Variants in MYO3A observed in about 807,000 individuals in gnomAD.
The protein encoded by MYO3A is myosin IIIA.
Under a neutral mutation model 192.7 loss-of-function variants are expected in MYO3A, and 180 were observed. The observed-to-expected ratio is 0.93, with a 90% confidence interval of 0.83 to 1.06. The LOEUF is 1.06. Ranked by LOEUF, MYO3A falls within the 50% of genes least tolerant of loss-of-function variation. The probability of loss-of-function intolerance (pLI) is 0.00; values close to 1 mark genes in which losing one functional copy is unlikely to be tolerated. For missense variants in MYO3A, 1,896 were observed against 1,905.0 expected (o/e 1.00, Z 0.09); for synonymous variants, 628 against 645.3 (o/e 0.97, Z 0.41).
At chr10:26,056,670 T>G (rs1274185899) in intron 10 of MYO3A, among the ~76,000 whole-genome samples, 1 of 119,548 alleles carries the variant, frequency 8.4e-6, no homozygotes, top group Non-Finnish European at 2.0e-5. Context: ...ACAGATGTCC[T>G]AAATGTGTTC....
At chr10:26,068,664 C>T in intron 11 of MYO3A, 104 bp from the exon 12 acceptor site, 1 of 733,996 alleles carries the variant, frequency 1.4e-6, no homozygotes, top group Non-Finnish European at 2.3e-6. Flanking sequence ...TTTTCTAATC[C>T]TTCGTCCAGA....
chr10:26,080,014 T>C (rs1408815941), intron 14 of MYO3A, among the ~76,000 whole-genome samples: 1 of 152,162 alleles, frequency 6.6e-6, no homozygotes, highest in Non-Finnish European at 1.5e-5. Context: ...ATGAAGACCT[T>C]ATTGTGATGA....
Position 26,192,893 on chromosome 10 carries a change from G to A in MYO3A, c.4439-312G>A, listed in dbSNP as rs898027585. ...TGGTCTCGAACTCCTGACCTCAAGTGATCTGCCTGCCTCAGCCTCCCAAAG... is the reference window on the plus strand; with the variant it reads ...TGGTCTCGAACTCCTGACCTCAAGTAATCTGCCTGCCTCAGCCTCCCAAAG... On this transcript the variant is annotated intron_variant, in intron 31 of 34. Coordinates refer to ENST00000642920, the MANE Select transcript of MYO3A (RefSeq NM_017433.5). Among the ~76,000 whole-genome samples the A allele has an allele frequency of 5.5e-4, 84 of 152,080 alleles. 1 individual carries two copies. The highest frequency in any genetic ancestry group is 1.8e-3 in the African/African-American group (73 of 41,490).
intron 10 of MYO3A, among the ~76,000 whole-genome samples, chr10:26,049,669 C>CTTTTTTTTTTTTTTTTT (rs1843859825): frequency 2.7e-5 from 2 of 75,390 alleles, no homozygotes; most frequent in East Asian, 2.9e-4. Flanking sequence ...TTCTTTCTTT[C>CTTTTTTTTTTTTTTTTT]TTTCTTTTTT....
chr10:25,983,691 T>C (rs1478600914), intron 4 of MYO3A, among the ~76,000 whole-genome samples: 1 of 152,176 alleles, frequency 6.6e-6, no homozygotes, highest in Non-Finnish European at 1.5e-5. Context: ...TTTGAGGGAA[T>C]AATTGAGGAA....
At chr10:26,186,176 G>A (rs1426306444) in intron 31 of MYO3A, among the ~76,000 whole-genome samples, 1 of 151,712 alleles carries the variant, frequency 6.6e-6, no homozygotes, top group Admixed American at 6.6e-5. Flanking sequence ...TAATAGATTG[G>A]TTTCCTAAAA....
chr10:25,980,267 T>C (rs1839242190), intron 4 of MYO3A, among the ~76,000 whole-genome samples: 1 of 148,948 alleles, frequency 6.7e-6, no homozygotes, highest in Admixed American at 6.7e-5. Context: ...AAACCCCACA[T>C]AATGCTTATA....
intron 10 of MYO3A, among the ~76,000 whole-genome samples, chr10:26,062,530 A>AAAAAACAAAAAAAACG (rs1554816581): frequency 1.6e-5 from 2 of 125,946 alleles, no homozygotes; most frequent in African/African-American, 5.7e-5. Context: ...AAAAAAAAAA[A>AAAAAACAAAAAAAACG]AAATTATGGA....
chr10:26,083,408 A>G (rs73610389), intron 14 of MYO3A, among the ~76,000 whole-genome samples: 230 of 152,344 alleles, frequency 1.5e-3, no homozygotes, highest in African/African-American at 5.2e-3. Flanking sequence ...GTTTTAGACC[A>G]TGGTTGACTG....
At chr10:25,965,457 G>C (rs1234514424) in intron 4 of MYO3A, among the ~76,000 whole-genome samples, 1 of 152,024 alleles carries the variant, frequency 6.6e-6, no homozygotes, top group African/African-American at 2.4e-5. Flanking sequence ...CTCCTCAGGG[G>C]GAAGGGAGGG....
chr10:26,068,418 A>G (rs953199999), intron 11 of MYO3A, among the ~76,000 whole-genome samples: 2 of 152,250 alleles, frequency 1.3e-5, no homozygotes, highest in African/African-American at 4.8e-5. Context: ...TATTCACTTT[A>G]TCTTCCCTTC....
At chr10:26,051,670 T>C (rs923648215) in intron 10 of MYO3A, among the ~76,000 whole-genome samples, 1 of 151,400 alleles carries the variant, frequency 6.6e-6, no homozygotes, top group African/African-American at 2.4e-5. Context: ...GATAGCGGCT[T>C]GCCATCCCCC....
Position 26,022,018 on chromosome 10 carries a change from T to C in MYO3A, c.731+370T>C, listed in dbSNP as rs559584923. On this transcript the variant is annotated intron_variant, in intron 8 of 34. Transcript: ENST00000642920. ...ACCTACCAATCTAGTAATTTTTTAC[T>C]ACTTGCTAAGATTTCCCTTTGTTCA... 6.4e-5 allele frequency: 11 copies of C among 170,724 alleles called. No homozygotes were observed. In the South Asian group the frequency reaches 1.6e-3, roughly 24 times the overall value. 10.6% of individuals were successfully genotyped at this position (170,724 alleles called of 1,614,324 possible).
intron 10 of MYO3A, among the ~76,000 whole-genome samples, chr10:26,064,878 G>T (rs1275637771): frequency 6.6e-6 from 1 of 152,162 alleles, no homozygotes; most frequent in Non-Finnish European, 1.5e-5. Flanking sequence ...AGTGTGGTTT[G>T]GGATGTGTCT....
intron 4 of MYO3A, among the ~76,000 whole-genome samples, chr10:25,973,641 G>C (rs1838797219): frequency 6.6e-6 from 1 of 152,026 alleles, no homozygotes; most frequent in African/African-American, 2.4e-5. Flanking sequence ...TTATTATTTT[G>C]ATATGTGTTC....
intron 6 of MYO3A, among the ~76,000 whole-genome samples, chr10:26,005,922 A>G (rs914979960): frequency 6.6e-6 from 1 of 152,106 alleles, no homozygotes; most frequent in Non-Finnish European, 1.5e-5. Context: ...TTTGAAAGGC[A>G]AGGTCTTTAT....
Position 26,205,608 on chromosome 10 carries a change from C to CTT in MYO3A, c.4730+2526_4730+2527dup, listed in dbSNP as rs576007724. Among the ~76,000 whole-genome samples the CTT allele has an allele frequency of 1.6e-3, 113 of 68,622 alleles. 5 individuals carry two copies. The highest frequency in any genetic ancestry group is 3.1e-3 in the African/African-American group (49 of 15,566). 45.0% of individuals were successfully genotyped at this position (68,622 alleles called of 152,430 possible). On this transcript the variant is annotated intron_variant, in intron 34 of 34. Coordinates refer to ENST00000642920, the MANE Select transcript of MYO3A (RefSeq NM_017433.5). ...AAAATGGCAGGATTTCTTTTCTTTTCTTTTTTTTTTTTTTTTTTTTTTTTT... is the reference window on the plus strand; with the variant it reads ...AAAATGGCAGGATTTCTTTTCTTTTCTTTTTTTTTTTTTTTTTTTTTTTTTTT...
chr10:26,168,943 T>C, intron 28 of MYO3A, 69 bp downstream of exon 28: 4 of 1,460,558 alleles, frequency 2.7e-6, no homozygotes, highest in Non-Finnish European at 3.8e-6. Context: ...CAGGCAAACC[T>C]CCAATTCTTG....
intron 9 of MYO3A, among the ~76,000 whole-genome samples, chr10:26,024,546 G>T (rs1842455555): frequency 6.6e-6 from 1 of 152,148 alleles, no homozygotes; most frequent in Non-Finnish European, 1.5e-5. Context: ...TTGTTTGTGT[G>T]GCTGCTTATG....
Sources: gnomAD v4.1 joint callset for allele counts (sites outside exome capture counted in the v4.1 genomes callset) on GRCh38, gnomAD v4.1.1 for gene constraint, MANE v1.5 for transcripts, NCBI Gene and HGNC (gene_info 2026-07-23, HGNC 2026-07-21) for gene names.